MSH3: variants seen among roughly 807,000 people sequenced by gnomAD.
MSH3 encodes DNA mismatch repair protein Msh3.
MSH3 carries 106 observed loss-of-function variants against 123.3 expected under a neutral mutation model. The ratio of observed to expected loss-of-function variants is 0.86; its 90% CI spans 0.73 to 1.01. The LOEUF is 1.01. Among genes scored for constraint, MSH3 ranks in the 50% least tolerant of loss-of-function variants. The pLI, the probability that MSH3 is intolerant of heterozygous loss-of-function variation, is 0.00. For missense variants in MSH3, 1,459 were observed against 1,347.6 expected (o/e 1.08, Z -1.29); for synonymous variants, 515 against 481.4 (o/e 1.07, Z -0.91).
At chr5:80,660,043 G>A (rs185916511) in intron 2 of MSH3, among the ~76,000 whole-genome samples, 1 of 152,142 alleles carries the variant, frequency 6.6e-6, no homozygotes, top group African/African-American at 2.4e-5. Flanking sequence ...AAAACCAAGG[G>A]AATAATAATA....
intron 12 of MSH3, among the ~76,000 whole-genome samples, chr5:80,745,821 C>T (rs1395984775): frequency 6.6e-6 from 1 of 152,232 alleles, no homozygotes; most frequent in Non-Finnish European, 1.5e-5. Context: ...TTAAACTGCA[C>T]AGCAGCCTCA....
At chr5:80,834,255 C>T (rs975348104) in intron 20 of MSH3, among the ~76,000 whole-genome samples, 1 of 152,110 alleles carries the variant, frequency 6.6e-6, no homozygotes, top group Middle Eastern at 3.2e-3. Flanking sequence ...CTCAGAATAA[C>T]AGGCCTAATA....
In MSH3 at chr5:80,713,105, A is replaced by G. The variant is rs138793093; in HGVS notation, c.1341-12348A>G. ...ACCTTTAACAAGGCTCTTTTTGTCT[A>G]TGAGTTTCTAAAGTCGGTATAGATC... On this transcript the variant is annotated intron_variant, in intron 8 of 23. Coordinates refer to ENST00000265081, the MANE Select transcript of MSH3 (RefSeq NM_002439.5). 4.7e-3 allele frequency among the ~76,000 whole-genome samples: 711 copies of G among 152,244 alleles called. 8 individuals are homozygous for G. Among genetic ancestry groups the G allele is most frequent in the South Asian group, 0.013 (61 of 4,822 alleles).
rs566780008 is a variant in MSH3, at chr5:80,796,257, A to G, written c.2655+3413A>G. On this transcript the variant is annotated intron_variant, in intron 19 of 23. Transcript: ENST00000265081. ...TCAAAACGTATGTTACACTTTAATA[A>G]AGCAAGATTTGAAGAACTAAAATAG... Among the ~76,000 whole-genome samples the G allele has an allele frequency of 2.0e-5, 3 of 152,220 alleles. No individual in the cohort carries two copies. In the South Asian group the frequency reaches 6.2e-4, roughly 32 times the overall value.
chr5:80,863,028 A>G (rs2112116229), intron 21 of MSH3, among the ~76,000 whole-genome samples: 1 of 152,338 alleles, frequency 6.6e-6, no homozygotes, highest in African/African-American at 2.4e-5. Context: ...GTTATTTATT[A>G]ATTACAAAGG....
chr5:80,665,911 T>C (rs1045897239), intron 3 of MSH3, among the ~76,000 whole-genome samples: 2 of 152,238 alleles, frequency 1.3e-5, no homozygotes, highest in African/African-American at 2.4e-5. Context: ...TAATTCAGAA[T>C]AGTGATTGGT....
chr5:80,826,629 A>C (rs1745315724), intron 20 of MSH3, among the ~76,000 whole-genome samples: 1 of 150,788 alleles, frequency 6.6e-6, no homozygotes, highest in African/African-American at 2.4e-5. Context: ...GCTCACTGCA[A>C]CCTCTACCTC....
intron 12 of MSH3, chr5:80,746,728 C>T: frequency 2.5e-6 from 1 of 392,264 alleles, no homozygotes. Context: ...ATTCTCATAT[C>T]TTCCAACATG....
intron 19 of MSH3, among the ~76,000 whole-genome samples, chr5:80,807,384 A>G (rs1744910010): frequency 6.6e-6 from 1 of 152,196 alleles, no homozygotes; most frequent in Non-Finnish European, 1.5e-5. Context: ...AACATTGAAA[A>G]AAGTATGAAC....
chr5:80,840,089 G>GT (rs751276919), intron 20 of MSH3, among the ~76,000 whole-genome samples: 6 of 152,086 alleles, frequency 3.9e-5, no homozygotes, highest in Non-Finnish European at 8.8e-5. Context: ...TCAGCTTCCA[G>GT]TTTCTAAAAC....
At chr5:80,784,223 AAAAAAAAAAAAAAAAAG>A (rs1212519235) in intron 17 of MSH3, among the ~76,000 whole-genome samples, 1 of 136,424 alleles carries the variant, frequency 7.3e-6, no homozygotes, top group Non-Finnish European at 1.5e-5. Flanking sequence ...AAAAAAAAAA[AAAAAAAAAAAAAAAAAG>A]GGAAATAAAT....
At chr5:80,669,082 C>T (rs940550484) in intron 3 of MSH3, among the ~76,000 whole-genome samples, 57 of 152,324 alleles carry the variant, frequency 3.7e-4, no homozygotes, top group African/African-American at 1.2e-3. Context: ...TATTGCTGAT[C>T]TTTGGAGGTT....
intron 20 of MSH3, among the ~76,000 whole-genome samples, chr5:80,835,125 T>C (rs375190179): frequency 1.1e-4 from 16 of 152,252 alleles, no homozygotes; most frequent in African/African-American, 2.2e-4. Flanking sequence ...AGAAGAACCA[T>C]TGGAGAAAGA....
At position 80,672,916 on chromosome 5, in the gene MSH3, TTTTG is replaced by T. The variant is rs367818642; in HGVS notation, c.1027+78_1027+81del. The T allele has an allele frequency of 4.2e-4, 567 of 1,350,036 alleles. 3 individuals are homozygous for T. Among genetic ancestry groups the T allele is most frequent in the Non-Finnish European group, 2.6e-4 (242 of 942,032 alleles). The allele number at this position is 1,350,036 out of a possible 1,614,324, so 83.6% of individuals were successfully genotyped here. On this transcript the variant is annotated intron_variant, in intron 6 of 23. Coordinates refer to ENST00000265081, the MANE Select transcript of MSH3 (RefSeq NM_002439.5). ...ATGATACAAGGGCTTTGTTGGCAGG[TTTTG>T]TTTGTTTGTTTGTTTGTTTTTTAGT...
chr5:80,828,082 A>G (rs542510593), intron 20 of MSH3, among the ~76,000 whole-genome samples: 3 of 152,260 alleles, frequency 2.0e-5, no homozygotes, highest in Admixed American at 6.5e-5. Context: ...CCCAAAGTCC[A>G]TAGTTTACAT....
intron 22 of MSH3, among the ~76,000 whole-genome samples, chr5:80,867,918 T>C (rs1746133709): frequency 6.6e-6 from 1 of 152,192 alleles, no homozygotes; most frequent in Non-Finnish European, 1.5e-5. Context: ...AAAAGCTTTA[T>C]AGTTTAATTA....
chr5:80,716,205 A>G (rs1361418006), intron 8 of MSH3, among the ~76,000 whole-genome samples: 1 of 152,226 alleles, frequency 6.6e-6, no homozygotes, highest in Non-Finnish European at 1.5e-5. Context: ...GTTGACTAAT[A>G]AAAAATGCTA....
chr5:80,722,129 C>T (rs1448931852), intron 8 of MSH3, among the ~76,000 whole-genome samples: 1 of 152,122 alleles, frequency 6.6e-6, no homozygotes, highest in African/African-American at 2.4e-5. Flanking sequence ...TAAAGTTTCA[C>T]TATTGTTTAT....
intron 8 of MSH3, among the ~76,000 whole-genome samples, chr5:80,721,875 T>G (rs752794145): frequency 1.1e-4 from 16 of 152,188 alleles, no homozygotes; most frequent in Non-Finnish European, 2.1e-4. Context: ...GAGGGAGTGT[T>G]CTGCTTTTGT....
Sources: allele counts gnomAD v4.1 joint callset (sites outside exome capture counted in the v4.1 genomes callset), GRCh38; gene constraint gnomAD v4.1.1; transcripts MANE v1.5; gene names NCBI Gene and HGNC (gene_info 2026-07-23, HGNC 2026-07-21).